SLIT2: variants seen among roughly 807,000 people sequenced by gnomAD.
The protein encoded by SLIT2 is slit homolog 2 protein.
Under a neutral mutation model 185.7 loss-of-function variants are expected in SLIT2, and 41 were observed. That is an observed-to-expected ratio of 0.22 (90% CI 0.17 to 0.29). The LOEUF (loss-of-function observed/expected upper bound fraction) is 0.29. SLIT2 is among the 10% of genes least tolerant of loss of function. The probability of loss-of-function intolerance (pLI) is 1.00; values close to 1 mark genes in which losing one functional copy is unlikely to be tolerated. For synonymous variants in SLIT2, 693 were observed against 680.2 expected (o/e 1.02, Z -0.29); for missense variants, 1,571 against 1,909.0 (o/e 0.82, Z 3.30).
chr4:20,378,280 T>G (rs1724201225), intron 4 of SLIT2, among the ~76,000 whole-genome samples: 1 of 152,134 alleles, frequency 6.6e-6, no homozygotes, highest in South Asian at 2.1e-4. Flanking sequence ...AATGTATTCT[T>G]TATTTGAGGA....
chr4:20,445,980 C>T (rs1430889809), intron 4 of SLIT2, among the ~76,000 whole-genome samples: 1 of 152,172 alleles, frequency 6.6e-6, no homozygotes, highest in Admixed American at 6.5e-5. Flanking sequence ...GTCATCATTC[C>T]TACCAAAGCA....
chr4:20,426,182 A>T (rs980498264), intron 4 of SLIT2, among the ~76,000 whole-genome samples: 2 of 152,178 alleles, frequency 1.3e-5, no homozygotes, highest in Non-Finnish European at 2.9e-5. Flanking sequence ...ACATGCTTGA[A>T]TGAAGCAGCT....
chr4:20,492,221 G>C (rs1056966755), intron 9 of SLIT2, among the ~76,000 whole-genome samples: 18 of 152,156 alleles, frequency 1.2e-4, no homozygotes, highest in Non-Finnish European at 2.4e-4. Flanking sequence ...GGAGCAGTAG[G>C]AATATAAAAA....
At chr4:20,578,258 A>G (rs1577960318) in intron 29 of SLIT2, among the ~76,000 whole-genome samples, 2 of 152,216 alleles carry the variant, frequency 1.3e-5, no homozygotes, top group Non-Finnish European at 2.9e-5. Context: ...ACAAAAATAT[A>G]AATATAAAGG....
chr4:20,330,880 T>G (rs768051735), intron 4 of SLIT2, among the ~76,000 whole-genome samples: 1 of 152,122 alleles, frequency 6.6e-6, no homozygotes, highest in African/African-American at 2.4e-5. Context: ...TCCTAATATA[T>G]AGATAAATTC....
chr4:20,379,530 A>G (rs1029061154), intron 4 of SLIT2, among the ~76,000 whole-genome samples: 6 of 152,118 alleles, frequency 3.9e-5, no homozygotes, highest in African/African-American at 1.4e-4. Context: ...TAAATATCTA[A>G]TCCTCCAGTT....
intron 14 of SLIT2, 30 bp downstream of exon 14, chr4:20,524,207 G>T (rs1721090610): frequency 1.2e-6 from 2 of 1,607,670 alleles, no homozygotes; most frequent in South Asian, 2.2e-5. Context: ...TTTCCCCTGT[G>T]ACCAACAACA....
intron 22 of SLIT2, among the ~76,000 whole-genome samples, chr4:20,547,949 T>G (rs1175554086): frequency 6.6e-6 from 1 of 152,036 alleles, no homozygotes; most frequent in African/African-American, 2.4e-5. Flanking sequence ...AGCACAGACG[T>G]TTTTATTGAT....
chr4:20,270,094 A>T (rs1203409789), intron 4 of SLIT2, among the ~76,000 whole-genome samples: 1 of 151,982 alleles, frequency 6.6e-6, no homozygotes. Flanking sequence ...AAACCTTGGA[A>T]TTGCATTTTT....
At chr4:20,360,264 G>C (rs1432286315) in intron 4 of SLIT2, among the ~76,000 whole-genome samples, 1 of 152,082 alleles carries the variant, frequency 6.6e-6, no homozygotes, top group Non-Finnish European at 1.5e-5. Flanking sequence ...CCTGTAAAAA[G>C]CTGAATAGAG....
At chr4:20,579,223 C>T (rs1213193491) in intron 29 of SLIT2, among the ~76,000 whole-genome samples, 1 of 151,346 alleles carries the variant, frequency 6.6e-6, no homozygotes, top group African/African-American at 2.4e-5. Context: ...TACTCAAACC[C>T]AGGAGGCGGA....
chr4:20,508,402 A>G (rs1414640408), intron 9 of SLIT2, among the ~76,000 whole-genome samples: 1 of 152,094 alleles, frequency 6.6e-6, no homozygotes, highest in African/African-American at 2.4e-5. Flanking sequence ...TCACTAATAT[A>G]TACATGTCCA....
At chr4:20,436,273 C>T (rs1729336284) in intron 4 of SLIT2, among the ~76,000 whole-genome samples, 1 of 152,208 alleles carries the variant, frequency 6.6e-6, no homozygotes, top group East Asian at 1.9e-4. Flanking sequence ...TTTAAACATA[C>T]AATCTAAGTA....
At chr4:20,506,969 AATAG>A (rs1397174574) in intron 9 of SLIT2, among the ~76,000 whole-genome samples, 2 of 152,024 alleles carry the variant, frequency 1.3e-5, no homozygotes, top group African/African-American at 2.4e-5. Flanking sequence ...CAAGATTGAA[AATAG>A]ATAAATGAAT....
At chr4:20,283,595 CATTACTGAAA>C (rs1423211335) in intron 4 of SLIT2, among the ~76,000 whole-genome samples, 3 of 152,092 alleles carry the variant, frequency 2.0e-5, no homozygotes, top group African/African-American at 7.2e-5. Context: ...TAATATTAAT[CATTACTGAAA>C]ATTACCATCT....
intron 25 of SLIT2, among the ~76,000 whole-genome samples, chr4:20,551,882 ATCT>A (rs1723785178): frequency 6.6e-6 from 1 of 152,318 alleles, no homozygotes; most frequent in African/African-American, 2.4e-5. Context: ...ACGCTTTTAC[ATCT>A]TCTTTGAATT....
intron 26 of SLIT2, among the ~76,000 whole-genome samples, chr4:20,561,584 G>A (rs1025109679): frequency 2.0e-5 from 3 of 151,558 alleles, no homozygotes; most frequent in Non-Finnish European, 4.4e-5. Context: ...CAGTTTTGAA[G>A]CATTATTTAG....
chr4:20,361,836 A>G lies in SLIT2; in HGVS notation c.395+92955A>G, dbSNP rs181442033. On this transcript the variant is annotated intron_variant, in intron 4 of 36. Coordinates refer to ENST00000504154, the MANE Select transcript of SLIT2 (RefSeq NM_004787.4). ...AGAAAAAACTCAGGTTTATTGATGTATAATTTACACAAAAAGCATTCACAT... is the reference window on the plus strand; with the variant it reads ...AGAAAAAACTCAGGTTTATTGATGTGTAATTTACACAAAAAGCATTCACAT... Among the ~76,000 whole-genome samples the G allele has an allele frequency of 2.0e-4, 31 of 152,222 alleles. No individual in the cohort carries two copies. The East Asian group carries it at 5.2e-3, about 26-fold the overall frequency.
At position 20,568,865 on chromosome 4, in the gene SLIT2, G is replaced by T. The variant is rs747641502; in HGVS notation, c.2949G>T (p.Trp983Cys). The change falls in exon 29 of 37, where the codon TGG becomes TGT. Residue 983 changes from tryptophan to cysteine, a missense_variant and splice_region_variant. This residue lies in a region of SLIT2 where 1,202 missense variants were observed against 1,416.4 expected (regional missense o/e 0.85). Coordinates refer to ENST00000504154, the MANE Select transcript of SLIT2 (RefSeq NM_004787.4). ...HLKEGEEDGF[W>C]CICADGFEGE... Reference sequence around the variant, plus strand: ...TTGCCTTTTCTCCTCTGGCATTCAGGTGTATTTGTGCTGATGGATTTGAAG... The same window carrying T: ...TTGCCTTTTCTCCTCTGGCATTCAGTTGTATTTGTGCTGATGGATTTGAAG... The T allele has an allele frequency of 5.0e-6, 8 of 1,610,984 alleles. No homozygotes were observed. Among genetic ancestry groups the T allele is most frequent in the Admixed American group, 1.7e-5 (1 of 59,872 alleles).
Sources: gnomAD v4.1 joint callset for allele counts (sites outside exome capture counted in the v4.1 genomes callset) on GRCh38, gnomAD v4.1.1 for gene constraint, gnomAD v4.1.1 regional missense constraint, MANE v1.5 for transcripts, NCBI Gene and HGNC (gene_info 2026-07-23, HGNC 2026-07-21) for gene names.